Variants in PDSS2 observed in about 807,000 individuals in gnomAD.
PDSS2 encodes the protein decaprenyl diphosphate synthase subunit 2, also known as all trans-polyprenyl-diphosphate synthase PDSS2.
In PDSS2, 31 loss-of-function variants were observed where a neutral mutation model predicts 44.5. The observed-to-expected ratio is 0.70, with a 90% confidence interval of 0.52 to 0.94. The LOEUF (loss-of-function observed/expected upper bound fraction) is 0.94. Ranked by LOEUF, PDSS2 falls within the 40% of genes least tolerant of loss-of-function variation. The pLI is 0.00. For synonymous variants in PDSS2, 157 were observed against 180.3 expected (o/e 0.87, Z 1.03); for missense variants, 452 against 482.2 (o/e 0.94, Z 0.59).
chr6:107,290,874 C>A (rs1169259758), intron 2 of PDSS2, among the ~76,000 whole-genome samples: 1 of 152,060 alleles, frequency 6.6e-6, no homozygotes, highest in Non-Finnish European at 1.5e-5. Flanking sequence ...TTTTTTCCCC[C>A]CACTTGTTTG....
intron 4 of PDSS2, among the ~76,000 whole-genome samples, chr6:107,244,128 C>T (rs1195773614): frequency 6.6e-6 from 1 of 152,024 alleles, no homozygotes; most frequent in Non-Finnish European, 1.5e-5. Flanking sequence ...AACTCCATCT[C>T]AAAAAAACAA....
chr6:107,324,543 C>T (rs1423127156), intron 2 of PDSS2, among the ~76,000 whole-genome samples: 1 of 152,050 alleles, frequency 6.6e-6, no homozygotes, highest in Non-Finnish European at 1.5e-5. Flanking sequence ...TGAAATACTA[C>T]AAATAAAGTC....
chr6:107,247,287 G>A (rs966432559), intron 3 of PDSS2, among the ~76,000 whole-genome samples: 4 of 152,156 alleles, frequency 2.6e-5, no homozygotes, highest in Non-Finnish European at 5.9e-5. Context: ...AAAGTCTGAC[G>A]CTAAATGTCA....
chr6:107,417,499 C>A (rs1780698081), intron 1 of PDSS2, among the ~76,000 whole-genome samples: 1 of 152,204 alleles, frequency 6.6e-6, no homozygotes, highest in Non-Finnish European at 1.5e-5. Context: ...TGACTCACGC[C>A]TGTAATCCCA....
At chr6:107,376,013 T>A (rs999933397) in intron 1 of PDSS2, among the ~76,000 whole-genome samples, 1 of 152,230 alleles carries the variant, frequency 6.6e-6, no homozygotes, top group Non-Finnish European at 1.5e-5. Flanking sequence ...ATTTATTAAA[T>A]AGGGAATCCT....
intron 1 of PDSS2, among the ~76,000 whole-genome samples, chr6:107,402,519 T>C (rs1179478432): frequency 5.5e-5 from 4 of 72,126 alleles, no homozygotes; most frequent in Non-Finnish European, 9.1e-5. Context: ...TACACACACA[T>C]ATATACATAC....
chr6:107,319,845 A>G (rs1562459598), intron 2 of PDSS2, among the ~76,000 whole-genome samples: 1 of 152,160 alleles, frequency 6.6e-6, no homozygotes, highest in African/African-American at 2.4e-5. Context: ...GACAATTCTG[A>G]TTTTTCAGCT....
In PDSS2 at chr6:107,154,479, G is replaced by T; in HGVS notation, c.*140C>A. The T allele has an allele frequency of 2.5e-6, 2 of 790,500 alleles. No individual in the cohort carries two copies. Among genetic ancestry groups the T allele is most frequent in the Non-Finnish European group, 4.2e-6 (2 of 476,976 alleles). The allele number at this position is 790,500 out of a possible 1,614,324, so 49.0% of individuals were successfully genotyped here. A position where few individuals can be genotyped will look rare whatever the true frequency, so the allele number is the denominator to read the frequency against. ...TTGTAGCAGTTCCAAAAAGAAAGCA[G>T]AACTCATTTAGCAATGTGATAAAAG... On this transcript the variant is annotated 3_prime_UTR_variant, in exon 8 of 8. Coordinates refer to ENST00000369037, the MANE Select transcript of PDSS2 (RefSeq NM_020381.4).
At chr6:107,388,165 C>A (rs951720994) in intron 1 of PDSS2, among the ~76,000 whole-genome samples, 3 of 152,110 alleles carry the variant, frequency 2.0e-5, no homozygotes, top group African/African-American at 7.2e-5. Context: ...AAGAATATGT[C>A]AACAATATGT....
chr6:107,180,156 C>G (rs1019837392), intron 7 of PDSS2, among the ~76,000 whole-genome samples: 2 of 152,094 alleles, frequency 1.3e-5, no homozygotes, highest in African/African-American at 4.8e-5. Context: ...ATGGACTAAA[C>G]AGGCTTTTCT....
intron 2 of PDSS2, among the ~76,000 whole-genome samples, chr6:107,314,533 A>C (rs1777142872): frequency 6.6e-6 from 1 of 152,226 alleles, no homozygotes; most frequent in African/African-American, 2.4e-5. Flanking sequence ...GCCAGACGGT[A>C]ATGAGCCATC....
chr6:107,277,566 A>AT (rs1775826256), intron 2 of PDSS2, among the ~76,000 whole-genome samples: 1 of 151,814 alleles, frequency 6.6e-6, no homozygotes, highest in African/African-American at 2.4e-5. Flanking sequence ...GAAAGTAGGG[A>AT]TATGGGGTGG....
intron 2 of PDSS2, among the ~76,000 whole-genome samples, chr6:107,320,013 G>C (rs959470744): frequency 6.6e-5 from 10 of 152,158 alleles, no homozygotes; most frequent in African/African-American, 2.4e-4. Flanking sequence ...CAGAAAACAA[G>C]TAACAAAGAG....
intron 1 of PDSS2, among the ~76,000 whole-genome samples, chr6:107,422,355 T>A (rs1021108278): frequency 2.0e-5 from 3 of 151,948 alleles, no homozygotes; most frequent in Non-Finnish European, 4.4e-5. Flanking sequence ...CCAAGGTTAG[T>A]AAGAACAAGG....
chr6:107,298,781 A>G (rs1016014999), intron 2 of PDSS2, among the ~76,000 whole-genome samples: 1 of 152,204 alleles, frequency 6.6e-6, no homozygotes, highest in Non-Finnish European at 1.5e-5. Context: ...CTGATCTCCC[A>G]TGGGATCTGA....
At chr6:107,456,419 T>C (rs660951) in intron 1 of PDSS2, among the ~76,000 whole-genome samples, 57,347 of 152,142 alleles carry the variant, frequency 0.38, 13,299 homozygotes, top group Middle Eastern at 0.64. Flanking sequence ...ACACACAACA[T>C]GGATGAATCT....
At position 107,369,018 on chromosome 6, in the gene PDSS2, T is replaced by TAA. The variant is rs1583000214; in HGVS notation, c.297-34687_297-34686insTT. Among the ~76,000 whole-genome samples the TAA allele has an allele frequency of 2.0e-5, 3 of 152,298 alleles. No individual in the cohort carries two copies. The East Asian group carries it at 5.8e-4, about 29-fold the overall frequency. ...TTCAGTACAGAAATAAATCCTTACA[T>TAA]TTATGGTCAATTAATTTTTGAAAAA... is the stretch of plus-strand genomic sequence containing the variant. On this transcript the variant is annotated intron_variant, in intron 1 of 7. Coordinates refer to ENST00000369037, the MANE Select transcript of PDSS2 (RefSeq NM_020381.4).
chr6:107,339,070 A>G (rs898355588), intron 1 of PDSS2, among the ~76,000 whole-genome samples: 1 of 152,182 alleles, frequency 6.6e-6, no homozygotes, highest in Non-Finnish European at 1.5e-5. Flanking sequence ...AAACTATAGC[A>G]GGCCAATTCT....
intron 7 of PDSS2, among the ~76,000 whole-genome samples, chr6:107,190,938 C>T (rs544412343): frequency 1.3e-5 from 2 of 152,214 alleles, no homozygotes; most frequent in South Asian, 4.1e-4. Context: ...GTCGCCCAGG[C>T]TGGAGTGCAG....
Sources: gnomAD v4.1 joint callset for allele counts (sites outside exome capture counted in the v4.1 genomes callset) on GRCh38, gnomAD v4.1.1 for gene constraint, MANE v1.5 for transcripts, NCBI Gene and HGNC (gene_info 2026-07-23, HGNC 2026-07-21) for gene names.